The following MAGI1 variants were observed in gnomAD, a reference collection of about 807,000 sequenced individuals.
The protein encoded by MAGI1 is membrane associated guanylate kinase, WW and PDZ domain containing 1, also known as membrane-associated guanylate kinase, WW and PDZ domain-containing protein 1.
Under a neutral mutation model 139.9 loss-of-function variants are expected in MAGI1, and 58 were observed. That is an observed-to-expected ratio of 0.41 (90% CI 0.34 to 0.52). The LOEUF (loss-of-function observed/expected upper bound fraction) is 0.52. Ranked by LOEUF, MAGI1 falls within the 20% of genes least tolerant of loss-of-function variation. MAGI1 has a pLI of 0.12. For missense variants in MAGI1, 1,874 were observed against 1,901.6 expected, an observed-to-expected ratio of 0.99 and a Z score of 0.27; for synonymous variants, 812 against 737.9, an observed-to-expected ratio of 1.10 and a Z score of -1.63.
chr3:65,409,223 G>A (rs1945588032), intron 12 of MAGI1, among the ~76,000 whole-genome samples: 1 of 152,204 alleles, frequency 6.6e-6, no homozygotes, highest in African/African-American at 2.4e-5. Context: ...GGAGCTCATA[G>A]TCTATTTTAA....
At chr3:65,955,472 A>G (rs2064075885) in intron 1 of MAGI1, among the ~76,000 whole-genome samples, 1 of 152,186 alleles carries the variant, frequency 6.6e-6, no homozygotes, top group Non-Finnish European at 1.5e-5. Context: ...AGTTTCACTA[A>G]GCAGGGCAAA....
intron 1 of MAGI1, among the ~76,000 whole-genome samples, chr3:66,012,056 C>T (rs2067349236): frequency 6.6e-6 from 1 of 151,914 alleles, no homozygotes; most frequent in African/African-American, 2.4e-5. Flanking sequence ...TTGTCTATAT[C>T]GATTTGCTTT....
chr3:65,509,001 C>G (rs1018967829), intron 2 of MAGI1, among the ~76,000 whole-genome samples: 1 of 152,154 alleles, frequency 6.6e-6, no homozygotes, highest in Admixed American at 6.5e-5. Context: ...CCTGGTGATA[C>G]GATGCATGAT....
At chr3:65,902,081 T>C (rs1267936383) in intron 1 of MAGI1, among the ~76,000 whole-genome samples, 2 of 152,236 alleles carry the variant, frequency 1.3e-5, no homozygotes, top group Non-Finnish European at 2.9e-5. Context: ...TATGGATTAA[T>C]GATCATTTCT....
intron 1 of MAGI1, among the ~76,000 whole-genome samples, chr3:65,918,506 G>A (rs745624829): frequency 3.3e-5 from 5 of 150,676 alleles, no homozygotes; most frequent in South Asian, 2.1e-4. Context: ...TCAGCCTCTC[G>A]AGTAGCTGGG....
chr3:65,743,872 G>A (rs991423107), intron 1 of MAGI1, among the ~76,000 whole-genome samples: 1 of 151,784 alleles, frequency 6.6e-6, no homozygotes, highest in African/African-American at 2.4e-5. Context: ...ATAAAATAAA[G>A]TCTGGGGAAA....
chr3:65,430,420 T>G (rs1210032828), intron 11 of MAGI1, among the ~76,000 whole-genome samples: 1 of 152,156 alleles, frequency 6.6e-6, no homozygotes, highest in African/African-American at 2.4e-5. Flanking sequence ...TAGAATTCAT[T>G]TATTTAAATG....
intron 13 of MAGI1, among the ~76,000 whole-genome samples, chr3:65,400,476 C>T (rs1446297241): frequency 6.6e-6 from 1 of 152,150 alleles, no homozygotes. Context: ...CGAGGCTGTA[C>T]ATTTTCCCTC....
intron 1 of MAGI1, among the ~76,000 whole-genome samples, chr3:65,708,926 A>G (rs898645227): frequency 4.6e-5 from 7 of 152,208 alleles, no homozygotes; most frequent in Non-Finnish European, 1.0e-4. Flanking sequence ...TTCCAACTCT[A>G]TCACCCATCT....
intron 1 of MAGI1, among the ~76,000 whole-genome samples, chr3:65,922,418 T>C (rs997637886): frequency 6.6e-6 from 1 of 152,096 alleles, no homozygotes; most frequent in Admixed American, 6.5e-5. Flanking sequence ...AATGAGCAGA[T>C]ACTCAGAGAC....
chr3:65,387,325 C>G (rs1575581898), intron 14 of MAGI1: 1 of 830,748 alleles, frequency 1.2e-6, no homozygotes, highest in Non-Finnish European at 2.0e-6. Flanking sequence ...GTCAGTTCAG[C>G]TTTCACAATA....
At chr3:65,500,536 C>T (rs1318634220) in intron 2 of MAGI1, among the ~76,000 whole-genome samples, 2 of 152,192 alleles carry the variant, frequency 1.3e-5, no homozygotes, top group East Asian at 3.8e-4. Flanking sequence ...ACCATGACTA[C>T]AAAAAGGAAA....
intron 1 of MAGI1, among the ~76,000 whole-genome samples, chr3:65,952,823 C>T (rs1298041282): frequency 6.6e-6 from 1 of 152,162 alleles, no homozygotes; most frequent in Non-Finnish European, 1.5e-5. Context: ...CAAAAACAAA[C>T]AAACAACAAC....
chr3:65,514,859 C>A (rs1373156595), intron 2 of MAGI1, among the ~76,000 whole-genome samples: 1 of 147,278 alleles, frequency 6.8e-6, no homozygotes, highest in East Asian at 2.0e-4. Flanking sequence ...CACATGCACA[C>A]GTATGTTTAT....
intron 1 of MAGI1, among the ~76,000 whole-genome samples, chr3:65,641,932 G>A (rs2085003480): frequency 6.6e-6 from 1 of 152,152 alleles, no homozygotes; most frequent in African/African-American, 2.4e-5. Context: ...ACAAAGGATG[G>A]GTTAGGGGCC....
At chr3:66,013,483 C>T (rs1042643307) in intron 1 of MAGI1, among the ~76,000 whole-genome samples, 14 of 148,960 alleles carry the variant, frequency 9.4e-5, no homozygotes, top group African/African-American at 3.5e-4. Flanking sequence ...AGATAGAGGC[C>T]AGACTCGGTG....
Position 65,381,951 on chromosome 3 carries a change from A to G in MAGI1, c.2627T>C (p.Val876Ala). The part of the protein sequence containing the change: ...TPVIGKSHQL[V>A]VQLMQQAAKQ... Reference sequence around the variant, plus strand: ...GGCAGCTTGTTGCATAAGCTGGACCACAAGCTGGTGTGATTTTCCAATTAC... The same window carrying G: ...GGCAGCTTGTTGCATAAGCTGGACCGCAAGCTGGTGTGATTTTCCAATTAC... Residue 876 changes from valine to alanine, a missense_variant, in exon 16 of 23, where the codon GTG (valine) becomes GCG (alanine). By Grantham distance (64) the Val-to-Ala change is moderately conservative. This residue lies in a region of MAGI1 where 482 missense variants were observed against 509.6 expected (regional missense o/e 0.95). Transcript: ENST00000402939. 1 of 1,614,152 alleles carries G rather than the reference A, an allele frequency of 6.2e-7. No individual in the cohort carries two copies. The highest frequency in any genetic ancestry group is 8.5e-7 in the Non-Finnish European group (1 of 1,180,018).
At chr3:65,748,150 A>G (rs184626953) in intron 1 of MAGI1, among the ~76,000 whole-genome samples, 8 of 152,342 alleles carry the variant, frequency 5.3e-5, no homozygotes, top group African/African-American at 1.7e-4. Context: ...GGTGCTCCTT[A>G]GTAGCCAAAT....
chr3:66,018,029 G>A (rs372374485), intron 1 of MAGI1, among the ~76,000 whole-genome samples: 1 of 148,584 alleles, frequency 6.7e-6, no homozygotes, highest in Admixed American at 7.0e-5. Flanking sequence ...CTTTGATCTT[G>A]GTCAGAGATG....
Sources: gnomAD v4.1 joint callset for allele counts (sites outside exome capture counted in the v4.1 genomes callset) on GRCh38, gnomAD v4.1.1 for gene constraint, gnomAD v4.1.1 regional missense constraint, MANE v1.5 for transcripts, NCBI Gene and HGNC (gene_info 2026-07-23, HGNC 2026-07-21) for gene names.